Variants in SPMAP2 observed in about 807,000 individuals in gnomAD.
SPMAP2 encodes sperm microtubule associated protein 2, also known as Theg homolog.
At chr19:364,189 T>C in the SPMAP2 span, among the ~76,000 whole-genome samples, 2 of 149,514 alleles carry the variant, frequency 1.3e-5, no homozygotes, top group African/African-American at 2.5e-5. Context: ...AAAAAAAAAT[T>C]AGCCGGGCGT....
the SPMAP2 span, among the ~76,000 whole-genome samples, chr19:364,355 A>G: frequency 3.5e-5 from 5 of 144,614 alleles, no homozygotes; most frequent in Non-Finnish European, 6.2e-5. Context: ...AAAAAAAAAA[A>G]AGAAAGAAAA....
At chr19:366,489 A>G in the SPMAP2 span, among the ~76,000 whole-genome samples, 3 of 152,216 alleles carry the variant, frequency 2.0e-5, no homozygotes, top group Non-Finnish European at 4.4e-5. Flanking sequence ...TCATTTCACA[A>G]ATATCAAGGG....
chr19:364,012 T>A, the SPMAP2 span, among the ~76,000 whole-genome samples: 1 of 151,986 alleles, frequency 6.6e-6, no homozygotes, highest in Non-Finnish European at 1.5e-5. Context: ...CTACGAAACC[T>A]ACACTTAAAA....
the SPMAP2 span, chr19:375,558 G>C: frequency 3.2e-5 from 40 of 1,231,384 alleles, no homozygotes; most frequent in Non-Finnish European, 3.5e-5. Context: ...GCCGGTGGCC[G>C]GTTACGACCC....
the SPMAP2 span, among the ~76,000 whole-genome samples, chr19:363,798 G>C: frequency 1.3e-5 from 2 of 151,866 alleles, no homozygotes; most frequent in Non-Finnish European, 2.9e-5. Context: ...GCCTCCCAAA[G>C]TACTGGGATT....
At chr19:373,971 A>T in the SPMAP2 span, 2 of 1,613,662 alleles carry the variant, frequency 1.2e-6, no homozygotes, top group Non-Finnish European at 1.7e-6. Context: ...CTCATCTTAC[A>T]TGGGGAGATC....
the SPMAP2 span, chr19:373,640 C>CT: frequency 9.7e-7 from 1 of 1,030,786 alleles, no homozygotes; most frequent in Admixed American, 2.1e-5. Context: ...TGTGGAGTTG[C>CT]TGGGAGAGGG....
chr19:369,783 G>A, the SPMAP2 span, among the ~76,000 whole-genome samples: 1 of 151,948 alleles, frequency 6.6e-6, no homozygotes, highest in Non-Finnish European at 1.5e-5. Context: ...GGGCAGGGGT[G>A]GATCTCGCAA....
At chr19:375,294 GCTTT>G in the SPMAP2 span, among the ~76,000 whole-genome samples, 1 of 149,128 alleles carries the variant, frequency 6.7e-6, no homozygotes, top group Non-Finnish European at 1.5e-5. Flanking sequence ...GAGTTGGGAG[GCTTT>G]TTTTTTCCCA....
the SPMAP2 span, chr19:375,756 T>C: frequency 6.2e-7 from 1 of 1,610,262 alleles, no homozygotes; most frequent in East Asian, 2.2e-5. Context: ...CGGGAACTCC[T>C]CCCCGGCCAC....
the SPMAP2 span, chr19:366,916 C>A: frequency 1.1e-6 from 1 of 922,864 alleles, no homozygotes; most frequent in Non-Finnish European, 1.6e-6. Flanking sequence ...CAGACAACAC[C>A]CTCTGCTTCC....
the SPMAP2 span, among the ~76,000 whole-genome samples, chr19:364,230 A>C: frequency 2.7e-5 from 4 of 148,904 alleles, no homozygotes; most frequent in Non-Finnish European, 3.0e-5. Context: ...CCAGCTACTC[A>C]GGAGGCTGAG....
the SPMAP2 span, chr19:375,555 G>T: frequency 5.8e-6 from 7 of 1,197,366 alleles, no homozygotes; most frequent in Non-Finnish European, 8.0e-6. Context: ...CAGGCCGGTG[G>T]CCGGTTACGA....
the SPMAP2 span, chr19:373,910 G>T: frequency 8.7e-6 from 14 of 1,604,830 alleles, no homozygotes; most frequent in Admixed American, 2.3e-4. Context: ...CCCCAGCATA[G>T]GCACACGGCG....
the SPMAP2 span, chr19:373,510 CTCGG>C: frequency 6.2e-7 from 1 of 1,613,420 alleles, no homozygotes. Flanking sequence ...CAAGGAACCG[CTCGG>C]TCCAGTACAC....
At chr19:364,562 G>A in the SPMAP2 span, among the ~76,000 whole-genome samples, 13 of 151,112 alleles carry the variant, frequency 8.6e-5, no homozygotes, top group Non-Finnish European at 1.8e-4. Flanking sequence ...GACTCAGGGG[G>A]CCACAGCCAA....
the SPMAP2 span, chr19:375,837 G>C: frequency 6.2e-7 from 1 of 1,604,506 alleles, no homozygotes; most frequent in South Asian, 1.1e-5. Context: ...CTGGCGTTCG[G>C]GGTCTGTGAC....
chr19:373,550 T>C, the SPMAP2 span: 2 of 1,611,542 alleles, frequency 1.2e-6, no homozygotes, highest in African/African-American at 1.3e-5. Flanking sequence ...AGCGGACGGC[T>C]CAGGGCAAGG....
the SPMAP2 span, chr19:374,437 A>G: frequency 6.2e-7 from 1 of 1,613,888 alleles, no homozygotes; most frequent in Non-Finnish European, 8.5e-7. Context: ...GGAGAATTCC[A>G]CGTTGAAGTT....
Sources: allele counts gnomAD v4.1 joint callset (sites outside exome capture counted in the v4.1 genomes callset), GRCh38; gene constraint gnomAD v4.1.1; transcripts MANE v1.5; gene names NCBI Gene and HGNC (gene_info 2026-07-23, HGNC 2026-07-21).